Variants in NBEAL1 observed in about 807,000 individuals in gnomAD.
The protein encoded by NBEAL1 is neurobeachin-like protein 1.
A neutral mutation model predicts 351.3 loss-of-function variants in NBEAL1; 273 were observed. The observed-to-expected ratio is 0.78, with a 90% confidence interval of 0.70 to 0.86. The LOEUF (loss-of-function observed/expected upper bound fraction) is 0.86. NBEAL1 is among the 40% of genes least tolerant of loss of function. The pLI, the probability that NBEAL1 is intolerant of heterozygous loss-of-function variation, is 0.00. For synonymous variants in NBEAL1, 1,050 were observed against 1,086.4 expected (o/e 0.97, Z 0.66); for missense variants, 2,961 against 3,201.3 (o/e 0.92, Z 1.81).
chr2:203,019,192 T>G (rs941864105), intron 2 of NBEAL1, among the ~76,000 whole-genome samples: 1 of 152,174 alleles, frequency 6.6e-6, no homozygotes, highest in African/African-American at 2.4e-5. Context: ...GAGGCCTGAT[T>G]GATTTGGGTT....
At chr2:203,050,017 G>A in intron 4 of NBEAL1, 42 bp downstream of exon 4, 1 of 1,527,376 alleles carries the variant, frequency 6.5e-7, no homozygotes, top group South Asian at 1.2e-5. Flanking sequence ...CTCATAGGTG[G>A]GAGTTGAACA....
At chr2:203,076,735 G>A (rs1390317661) in intron 7 of NBEAL1, among the ~76,000 whole-genome samples, 2 of 151,702 alleles carry the variant, frequency 1.3e-5, no homozygotes, top group South Asian at 4.2e-4. Flanking sequence ...GGGATTACAG[G>A]TGCCCGCCAC....
intron 41 of NBEAL1, among the ~76,000 whole-genome samples, chr2:203,174,216 CAAA>C (rs10652390): frequency 1.5e-3 from 37 of 24,588 alleles, no homozygotes; most frequent in Non-Finnish European, 2.8e-3. Context: ...TTTATACTAG[CAAA>C]AAAAAAAAAA....
chr2:203,075,546 G>A (rs550658919), intron 7 of NBEAL1, among the ~76,000 whole-genome samples: 3 of 152,318 alleles, frequency 2.0e-5, no homozygotes, highest in African/African-American at 7.2e-5. Flanking sequence ...TCACACTATT[G>A]TGTGAGGATA....
At chr2:203,211,372 C>T (rs950984277) in intron 54 of NBEAL1, among the ~76,000 whole-genome samples, 12 of 151,996 alleles carry the variant, frequency 7.9e-5, no homozygotes, top group African/African-American at 1.9e-4. Context: ...TGGACATAGT[C>T]ACTCCTGCCT....
intron 7 of NBEAL1, among the ~76,000 whole-genome samples, chr2:203,077,148 A>C (rs181097798): frequency 6.6e-6 from 1 of 152,102 alleles, no homozygotes; most frequent in Admixed American, 6.5e-5. Context: ...GTGGTGGCTC[A>C]TGCCTGTAAT....
chr2:203,104,841 T>C (rs79992655), intron 12 of NBEAL1, among the ~76,000 whole-genome samples: 2,475 of 152,104 alleles, frequency 0.016, 67 homozygotes, highest in African/African-American at 0.056. Flanking sequence ...TCTTTGGAAT[T>C]TCTTTTTTTT....
At chr2:203,038,678 G>C (rs1308345895) in intron 2 of NBEAL1, among the ~76,000 whole-genome samples, 3 of 148,472 alleles carry the variant, frequency 2.0e-5, no homozygotes, top group Non-Finnish European at 3.0e-5. Context: ...CAGAATATAG[G>C]TTTCACAAGT....
chr2:203,023,542 A>T (rs1455673556), intron 2 of NBEAL1, among the ~76,000 whole-genome samples: 1 of 152,086 alleles, frequency 6.6e-6, no homozygotes, highest in Non-Finnish European at 1.5e-5. Context: ...AATTGATAGT[A>T]CTTAAGTGTA....
chr2:203,032,340 A>G (rs2060961570), intron 2 of NBEAL1, among the ~76,000 whole-genome samples: 1 of 152,158 alleles, frequency 6.6e-6, no homozygotes, highest in Non-Finnish European at 1.5e-5. Flanking sequence ...GCAGGAATAG[A>G]TAACTATTGC....
In NBEAL1 at chr2:203,219,130, C is replaced by T. The variant is rs574787499; in HGVS notation, c.*1776C>T. The T allele has an allele frequency of 2.6e-5, 4 of 151,986 alleles. No individual in the cohort carries two copies. The highest frequency in any genetic ancestry group is 4.4e-5 in the Non-Finnish European group (3 of 67,968). 9.4% of individuals were successfully genotyped at this position (151,986 alleles called of 1,614,324 possible). A position where few individuals can be genotyped will look rare whatever the true frequency, so the allele number is the denominator to read the frequency against. ...TCCAGTGCTTCACCCGTGGTGCCAC[C>T]GTGGCTATCTTTTTTTTTATCTTAC... On this transcript the variant is annotated 3_prime_UTR_variant, in exon 56 of 56. Transcript: ENST00000683969.
intron 10 of NBEAL1, among the ~76,000 whole-genome samples, chr2:203,096,444 T>G (rs1272085399): frequency 6.6e-6 from 1 of 152,240 alleles, no homozygotes; most frequent in Non-Finnish European, 1.5e-5. Flanking sequence ...CTTAGCATGC[T>G]CTTAATAAAT....
intron 1 of NBEAL1, among the ~76,000 whole-genome samples, chr2:203,015,251 G>C (rs1024385382): frequency 2.0e-5 from 3 of 152,140 alleles, no homozygotes; most frequent in Admixed American, 1.3e-4. Flanking sequence ...GATGTGAGGA[G>C]GAAATTAAAA....
chr2:203,165,996 G>T (rs930105998), intron 36 of NBEAL1, among the ~76,000 whole-genome samples, 153 bp from the exon 37 acceptor site: 1 of 152,034 alleles, frequency 6.6e-6, no homozygotes, highest in African/African-American at 2.4e-5. Flanking sequence ...TGATTGAGCC[G>T]ACATTGTGCC....
At chr2:203,099,002 T>C (rs1318271708) in intron 11 of NBEAL1, among the ~76,000 whole-genome samples, 2 of 152,248 alleles carry the variant, frequency 1.3e-5, no homozygotes, top group Non-Finnish European at 1.5e-5. Flanking sequence ...TGGCTGGGCA[T>C]GGTGGCTCAC....
chr2:203,199,519 T>G, intron 49 of NBEAL1, 72 bp downstream of exon 49: 1 of 743,846 alleles, frequency 1.3e-6, no homozygotes, highest in Admixed American at 2.5e-5. Context: ...ACTAGATTAA[T>G]TGATTCATTT....
chr2:203,110,708 A>AATAAATAC (rs2062549278), intron 15 of NBEAL1, among the ~76,000 whole-genome samples: 1 of 148,298 alleles, frequency 6.7e-6, no homozygotes. Flanking sequence ...TAAATAAATA[A>AATAAATAC]ATAAATATAT....
chr2:203,113,542 A>G (rs950924176), intron 17 of NBEAL1, among the ~76,000 whole-genome samples: 2 of 152,082 alleles, frequency 1.3e-5, no homozygotes, highest in African/African-American at 4.8e-5. Context: ...CTTTTTTGGG[A>G]AATATTTCAG....
chr2:203,102,067 G>A (rs752426106), intron 12 of NBEAL1, among the ~76,000 whole-genome samples: 9 of 152,080 alleles, frequency 5.9e-5, no homozygotes, highest in Non-Finnish European at 1.2e-4. Context: ...TTCTTTTTGT[G>A]GTAATTGTTA....
Sources: gnomAD v4.1 joint callset for allele counts (sites outside exome capture counted in the v4.1 genomes callset) on GRCh38, gnomAD v4.1.1 for gene constraint, MANE v1.5 for transcripts, NCBI Gene and HGNC (gene_info 2026-07-23, HGNC 2026-07-21) for gene names.